Variants in LRP2 observed in about 807,000 individuals in gnomAD.
LRP2 encodes the protein LDL receptor related protein 2.
In LRP2, 172 loss-of-function variants were observed where a neutral mutation model predicts 531.0. The observed-to-expected ratio is 0.32, with a 90% CI of 0.29 to 0.37. The LOEUF (loss-of-function observed/expected upper bound fraction) is 0.37, where lower values mean the gene tolerates loss of function less well. Ranked by LOEUF, LRP2 falls within the 10% of genes least tolerant of loss-of-function variation. The pLI is 1.00. For synonymous variants in LRP2, 1,992 were observed against 2,027.6 expected, an observed-to-expected ratio of 0.98 and a Z score of 0.47; for missense variants, 5,167 against 5,868.3, an observed-to-expected ratio of 0.88 and a Z score of 3.90.
chr2:169,229,543 G>T (rs1056440865), intron 31 of LRP2, among the ~76,000 whole-genome samples: 1 of 152,136 alleles, frequency 6.6e-6, no homozygotes, highest in South Asian at 2.1e-4. Flanking sequence ...TAATTTTAGG[G>T]GTGCTGAGGT....
rs773484240 is a variant in LRP2 at position 169,140,565 on chromosome 2, T to A, written c.13109-20A>T. 1 of 1,586,876 alleles carries A rather than the reference T, an allele frequency of 6.3e-7. No individual in the cohort carries two copies. Among genetic ancestry groups the A allele is most frequent in the South Asian group, 1.1e-5 (1 of 90,500 alleles). On this transcript the variant is annotated intron_variant, in intron 71 of 78. Coordinates refer to ENST00000649046, the MANE Select transcript of LRP2 (RefSeq NM_004525.3). ...CGATGGCTGCAGGAAGGGAAAGCCA[T>A]GCAGGTGTTAGTCAGCTGTACTCAG...
Position 169,238,269 on chromosome 2 carries a change from T to C in LRP2, c.4328A>G (p.Gln1443Arg). The change falls in exon 27 of 79, where the codon CAG becomes CGG. Residue 1443 changes from glutamine (Q) to arginine (R), a missense_variant. Gln to Arg is a conservative substitution (Grantham distance 43, BLOSUM62 1). This residue lies in a region of LRP2 where 2,811 missense variants were observed against 3,058.0 expected (regional missense o/e 0.92). Transcript: ENST00000649046. ...GACACTGTCGGCAATAATTTTGTTC[T>C]GACTTGCCACAAGTAACAGCAGACT... ...SESLLLLVASQNKIIADSVTS... is the reference protein window; with the variant it reads ...SESLLLLVASRNKIIADSVTS... The C allele has an allele frequency of 1.2e-6, 2 of 1,614,176 alleles. No individual in the cohort carries two copies. Among genetic ancestry groups the C allele is most frequent in the Non-Finnish European group, 8.5e-7 (1 of 1,179,996 alleles).
intron 1 of LRP2, among the ~76,000 whole-genome samples, chr2:169,360,961 C>G (rs1686132033): frequency 6.6e-6 from 1 of 152,332 alleles, no homozygotes; most frequent in South Asian, 2.1e-4. Context: ...CAAGCCCTCC[C>G]CTCACTCCTC....
chr2:169,183,794 G>C lies in LRP2; in HGVS notation c.9846-1475C>G, dbSNP rs192300838. On this transcript the variant is annotated intron_variant, in intron 50 of 78. Transcript: ENST00000649046. ...TTTAAAAAGTTATATCAAATGCAAG[G>C]GCTTTGGAAACCAAACACCCTAATG... 9.9e-5 allele frequency among the ~76,000 whole-genome samples: 15 copies of C among 152,166 alleles called. No homozygotes were observed. In the East Asian group the frequency reaches 2.7e-3, roughly 27 times the overall value.
At chr2:169,200,768 C>A (rs371363668) in intron 44 of LRP2, among the ~76,000 whole-genome samples, 2 of 152,098 alleles carry the variant, frequency 1.3e-5, no homozygotes, top group African/African-American at 2.4e-5. Context: ...CTAATAAATG[C>A]GGCAGGAACA....
At chr2:169,280,944 G>C (rs1248449543) in intron 10 of LRP2, among the ~76,000 whole-genome samples, 4 of 152,152 alleles carry the variant, frequency 2.6e-5, no homozygotes, top group Non-Finnish European at 5.9e-5. Context: ...GAAAAAGATG[G>C]TAATGGTGGT....
chr2:169,247,352 A>T (rs191416837), intron 20 of LRP2, 26 bp downstream of exon 20: 250 of 1,611,992 alleles, frequency 1.6e-4, no homozygotes, highest in Admixed American at 2.3e-4. Flanking sequence ...ACAAAAAAAT[A>T]AAAAAAACTG....
intron 45 of LRP2, among the ~76,000 whole-genome samples, chr2:169,197,435 A>G (rs1469021767): frequency 6.6e-6 from 1 of 152,206 alleles, no homozygotes; most frequent in Non-Finnish European, 1.5e-5. Context: ...AGCTCGCTCC[A>G]CACACAACCT....
chr2:169,240,180 A>G (rs1484214713), intron 25 of LRP2, among the ~76,000 whole-genome samples: 1 of 152,256 alleles, frequency 6.6e-6, no homozygotes, highest in African/African-American at 2.4e-5. Context: ...ATAGACAAAC[A>G]TTTAAGAGAA....
chr2:169,128,778 G>T lies in LRP2; in HGVS notation c.13853C>A (p.Ser4618Ter). ...SVAATPPPSP[S>*]LPAKPKPPSR... ...AGGAGGCTTAGGCTTAGCAGGGAGCGAAGGTGATGGAGGTGGTGTCGCAGC... is the reference window on the plus strand; with the variant it reads ...AGGAGGCTTAGGCTTAGCAGGGAGCTAAGGTGATGGAGGTGGTGTCGCAGC... Residue 4618 changes from serine to a stop codon, truncating the protein, a stop_gained, in exon 79 of 79, where the codon TCG becomes TAG. Coordinates refer to ENST00000649046, the MANE Select transcript of LRP2 (RefSeq NM_004525.3). LOFTEE classifies it low-confidence loss of function (END_TRUNC). The T allele has an allele frequency of 6.2e-7, 1 of 1,614,090 alleles. No individual in the cohort carries two copies. The highest frequency in any genetic ancestry group is 8.5e-7 in the Non-Finnish European group (1 of 1,179,974).
intron 77 of LRP2, among the ~76,000 whole-genome samples, chr2:169,129,290 C>T (rs1185357779): frequency 2.6e-5 from 4 of 152,134 alleles, no homozygotes; most frequent in Admixed American, 2.6e-4. Context: ...CTCTTTTAAT[C>T]GAATGGTTTT....
Position 169,279,436 on chromosome 2 carries a change from G to T in LRP2, c.1501C>A (p.Arg501=), listed in dbSNP as rs760488801. The stretch of plus-strand genomic sequence containing the variant: ...AAGTTTTCAGTTATAAGGGTAACCC[G>T]ATAGCTTCCATCCAAATTTACCATA... The part of the protein sequence containing the change: ...IDMVNLDGSY[R]VTLITENLGH... The change falls in exon 12 of 79, where the codon CGG becomes AGG. Residue 501 remains arginine, a synonymous_variant. Transcript: ENST00000649046. 1.2e-6 allele frequency: 2 copies of T among 1,614,034 alleles called. No individual in the cohort carries two copies. Among genetic ancestry groups the T allele is most frequent in the Admixed American group, 1.7e-5 (1 of 60,020 alleles).
At chr2:169,303,988 T>C (rs1293472685) in intron 4 of LRP2, among the ~76,000 whole-genome samples, 1 of 152,218 alleles carries the variant, frequency 6.6e-6, no homozygotes, top group African/African-American at 2.4e-5. Flanking sequence ...CTCTGCTTCG[T>C]TCCCTTTTAC....
Position 169,172,147 on chromosome 2 carries a change from C to T in LRP2, c.11144-13G>A. The T allele has an allele frequency of 6.2e-7, 1 of 1,614,046 alleles. No homozygotes were observed. Among genetic ancestry groups the T allele is most frequent in the Non-Finnish European group, 8.5e-7 (1 of 1,179,954 alleles). On this transcript the variant is annotated splice_polypyrimidine_tract_variant and intron_variant, in intron 57 of 78. Transcript: ENST00000649046. ...CATGTCCTCTCCTCTGCAAAGCAGT[C>T]ATTGCAAAGACTTCATAAACCATTG...
At chr2:169,254,575 A>G (rs1445500294) in intron 19 of LRP2, among the ~76,000 whole-genome samples, 1 of 94,428 alleles carries the variant, frequency 1.1e-5, no homozygotes, top group Non-Finnish European at 2.1e-5. Context: ...GCGCACCAGC[A>G]TGGCACATGT....
intron 33 of LRP2, among the ~76,000 whole-genome samples, chr2:169,222,529 T>TC (rs1689056159): frequency 6.6e-6 from 1 of 152,024 alleles, no homozygotes; most frequent in South Asian, 2.1e-4. Context: ...AAAACAGTCA[T>TC]CCCCCTCATC....
chr2:169,270,794 G>A (rs1574205309), intron 16 of LRP2, 110 bp downstream of exon 16: 6 of 311,448 alleles, frequency 1.9e-5, no homozygotes, highest in South Asian at 7.2e-5. Context: ...AAATAAATAA[G>A]ACTGCTTAAA....
intron 1 of LRP2, among the ~76,000 whole-genome samples, chr2:169,336,558 A>ACC (rs1685411099): frequency 6.6e-6 from 1 of 150,850 alleles, no homozygotes; most frequent in East Asian, 1.9e-4. Context: ...ACACACACAC[A>ACC]CACACACGCA....
intron 68 of LRP2, among the ~76,000 whole-genome samples, chr2:169,148,147 C>G (rs1231011189): frequency 6.6e-6 from 1 of 152,220 alleles, no homozygotes; most frequent in East Asian, 1.9e-4. Context: ...AAAGTCTCAA[C>G]AACTGGTAAA....
Sources: allele counts gnomAD v4.1 joint callset (sites outside exome capture counted in the v4.1 genomes callset), GRCh38; gene constraint gnomAD v4.1.1; regional missense constraint gnomAD v4.1.1; transcripts MANE v1.5; gene names NCBI Gene and HGNC (gene_info 2026-07-23, HGNC 2026-07-21).